The following SNX22 variants were observed in gnomAD, a reference collection of about 807,000 sequenced individuals.
SNX22 encodes sorting nexin 22, also known as sorting nexin-22.
A neutral mutation model predicts 24.7 loss-of-function variants in SNX22; 23 were observed. The observed-to-expected ratio is 0.93, with a 90% CI of 0.67 to 1.32. The LOEUF (loss-of-function observed/expected upper bound fraction) is 1.32. SNX22 is among the 40% of genes most tolerant of loss of function. The probability of loss-of-function intolerance (pLI) is 0.00; values close to 1 mark genes in which losing one functional copy is unlikely to be tolerated. For missense variants in SNX22, 261 were observed against 249.9 expected, an observed-to-expected ratio of 1.04 and a Z score of -0.30; for synonymous variants, 99 against 104.0, an observed-to-expected ratio of 0.95 and a Z score of 0.29.
chr15:64,152,902 C>G, intron 3 of SNX22, 160 bp downstream of exon 3: 1 of 645,504 alleles, frequency 1.5e-6, no homozygotes, highest in Non-Finnish European at 2.7e-6. Flanking sequence ...GTCCAAACAC[C>G]CCCCTCTGGC....
rs2081488136 is a variant in SNX22 at position 64,151,837 on chromosome 15, A to G, written c.62A>G (p.Glu21Gly). Residue 21 changes from glutamate to glycine, a missense_variant, in exon 1 of 7, where the codon GAG becomes GGG. Physicochemically the swap from Glu to Gly is moderately conservative, Grantham distance 98. Coordinates refer to ENST00000325881, the MANE Select transcript of SNX22 (RefSeq NM_024798.3). The part of the protein sequence containing the change: ...PEAEGPRQSP[E>G]KSHMVFRVEV... The stretch of plus-strand genomic sequence containing the variant: ...GCCGAGGGGCCCAGGCAGAGCCCGG[A>G]GAAAAGCCACATGGTGAGCGCGGCC... 1 of 1,537,832 alleles carries G rather than the reference A, an allele frequency of 6.5e-7. No individual in the cohort carries two copies. Among genetic ancestry groups the G allele is most frequent in the Non-Finnish European group, 8.7e-7 (1 of 1,144,080 alleles).
Position 64,157,065 on chromosome 15 carries a change from G to A in SNX22, c.*2557G>A, listed in dbSNP as rs893325558. 3 of 798,980 alleles carry A rather than the reference G, an allele frequency of 3.8e-6. No individual in the cohort carries two copies. Among genetic ancestry groups the A allele is most frequent in the East Asian group, 2.7e-5 (1 of 37,306 alleles). 49.5% of individuals were successfully genotyped at this position (798,980 alleles called of 1,614,324 possible). A position where few individuals can be genotyped will look rare whatever the true frequency, so the allele number is the denominator to read the frequency against. ...AAAGCAGCGTCCTTCCTATCTTCTG[G>A]CCTCAGAGCCAAGCCATGCTGACTG... On this transcript the variant is annotated 3_prime_UTR_variant, in exon 7 of 7. Transcript: ENST00000325881. The surrounding 1 kb of genome is among the most constrained non-coding windows in gnomAD (Gnocchi z 4.2).
In SNX22 at chr15:64,154,474, C is replaced by T. The variant is rs1395423197; in HGVS notation, c.548C>T (p.Ala183Val). Residue 183 changes from alanine (A) to valine (V), a missense_variant, in exon 7 of 7, where the codon GCC becomes GTC. Transcript: ENST00000325881. ...ISPDKAQPKA[A>V]CHPAPLPPMP is the part of the protein sequence containing the mutation. ...CCAGATAAAGCCCAGCCAAAGGCGG[C>T]CTGTCACCCTGCTCCTCTGCCACCG... The T allele has an allele frequency of 1.2e-6, 2 of 1,614,072 alleles. No homozygotes were observed. The highest frequency in any genetic ancestry group is 1.7e-6 in the Non-Finnish European group (2 of 1,180,046).
At chr15:64,152,372 C>A in intron 2 of SNX22, 46 bp downstream of exon 2, 1 of 1,483,384 alleles carries the variant, frequency 6.7e-7, no homozygotes, top group South Asian at 1.3e-5. Flanking sequence ...AGCCTCTGTC[C>A]AGCCCCCGCC....
At position 64,154,091 on chromosome 15, in the gene SNX22, C is replaced by T. The variant is rs139755188; in HGVS notation, c.460+89C>T. ...TGGGACCCTCAGACAGCATCTCCTT[C>T]CTGCTGCCCACCTCTGGAGCCACTA... On this transcript the variant is annotated intron_variant, in intron 6 of 6. Coordinates refer to ENST00000325881, the MANE Select transcript of SNX22 (RefSeq NM_024798.3). 6,646 of 1,612,720 alleles carry T rather than the reference C, an allele frequency of 4.1e-3. 48 individuals carry two copies. The highest frequency in any genetic ancestry group is 0.013 in the South Asian group (1,186 of 90,748).
intron 2 of SNX22, 61 bp downstream of exon 2, chr15:64,152,387 C>T: frequency 6.9e-7 from 1 of 1,448,692 alleles, no homozygotes; most frequent in Non-Finnish European, 9.1e-7. Flanking sequence ...CCCGCCCAGG[C>T]CCTGTGAGGC....
Position 64,156,620 on chromosome 15 carries a change from G to T in SNX22, c.*2112G>T. ...GAGCACTGGGCTGCATCTGTGGGTT[G>T]GGTCCTTTTGGGAAAGGGATGGACA... is the stretch of plus-strand genomic sequence containing the variant. On this transcript the variant is annotated 3_prime_UTR_variant, in exon 7 of 7. Transcript: ENST00000325881. This position sits in a 1 kb window ranked among gnomAD's most constrained non-coding sequence, Gnocchi z 6.4. 1 of 1,348,026 alleles carries T rather than the reference G, an allele frequency of 7.4e-7. No homozygotes were observed. The highest frequency in any genetic ancestry group is 1.2e-5 in the South Asian group (1 of 85,148). 83.5% of individuals were successfully genotyped at this position (1,348,026 alleles called of 1,614,324 possible).
rs2081486945 is a variant in SNX22, at chr15:64,151,760, T to C, written c.-16T>C. The C allele has an allele frequency of 1.3e-6, 2 of 1,481,562 alleles. No homozygotes were observed. Among genetic ancestry groups the C allele is most frequent in the Admixed American group, 2.1e-5 (1 of 48,252 alleles). The allele number at this position is 1,481,562 out of a possible 1,614,324, so 91.8% of individuals were successfully genotyped here. ...CTCCGAGCCGAGCGCGCGGAGCAGC[T>C]GGGGCCGGGGCGCGGATGCTGGAAG... On this transcript the variant is annotated 5_prime_UTR_variant, in exon 1 of 7. Coordinates refer to ENST00000325881, the MANE Select transcript of SNX22 (RefSeq NM_024798.3).
chr15:64,156,022 C>A lies in SNX22; in HGVS notation c.*1514C>A. On this transcript the variant is annotated 3_prime_UTR_variant, in exon 7 of 7. Transcript: ENST00000325881. The surrounding 1 kb of genome is among the most constrained non-coding windows in gnomAD (Gnocchi z 6.4). Reference sequence around the variant, plus strand: ...CACTCAAAGAAAGATGTCCCTGTGCCCTACTCCTTGGCGATGGCAAAGGGC... The same window carrying A: ...CACTCAAAGAAAGATGTCCCTGTGCACTACTCCTTGGCGATGGCAAAGGGC... The A allele has an allele frequency of 6.2e-7, 1 of 1,614,106 alleles. No homozygotes were observed. Among genetic ancestry groups the A allele is most frequent in the Non-Finnish European group, 8.5e-7 (1 of 1,180,014 alleles).
chr15:64,152,171 G>T (rs2081490943), intron 1 of SNX22, 72 bp from the exon 2 acceptor site: 1 of 1,303,472 alleles, frequency 7.7e-7, no homozygotes, highest in African/African-American at 1.6e-5. Context: ...TGGGCACGTC[G>T]CCAGGCGCAG....
chr15:64,154,615 C>T lies in SNX22; in HGVS notation c.*107C>T. Reference sequence around the variant, plus strand: ...TTGGCCTGGACCCAGGACTTAATTACCCAGTGCCCAGTTGTGCCACATTCC... The same window carrying T: ...TTGGCCTGGACCCAGGACTTAATTATCCAGTGCCCAGTTGTGCCACATTCC... On this transcript the variant is annotated 3_prime_UTR_variant, in exon 7 of 7. Transcript: ENST00000325881. 7.1e-7 allele frequency: 1 copy of T among 1,398,744 alleles called. No homozygotes were observed. The highest frequency in any genetic ancestry group is 9.7e-7 in the Non-Finnish European group (1 of 1,027,162). 86.6% of individuals were successfully genotyped at this position (1,398,744 alleles called of 1,614,324 possible).
intron 3 of SNX22, 94 bp downstream of exon 3, chr15:64,152,836 A>G: frequency 9.2e-7 from 1 of 1,084,600 alleles, no homozygotes. Flanking sequence ...GAGGGAACCC[A>G]CAACTTGGGG....
intron 3 of SNX22, 47 bp from the exon 4 acceptor site, chr15:64,153,198 C>A: frequency 6.2e-7 from 1 of 1,610,548 alleles, no homozygotes; most frequent in African/African-American, 1.3e-5. Context: ...CTGCGCTATG[C>A]AAATTAGTAG....
At chr15:64,153,076 CT>C in intron 3 of SNX22, 168 bp from the exon 4 acceptor site, 1 of 773,440 alleles carries the variant, frequency 1.3e-6, no homozygotes, top group Non-Finnish European at 2.1e-6. Flanking sequence ...GGGGTACAAC[CT>C]GTGCACACAG....
chr15:64,152,904 C>A (rs137978313), intron 3 of SNX22, 162 bp downstream of exon 3: 17 of 643,540 alleles, frequency 2.6e-5, no homozygotes, highest in Middle Eastern at 3.9e-4. Context: ...CCAAACACCC[C>A]CCTCTGGCTT....
chr15:64,154,194 C>T (rs1481393289), intron 6 of SNX22, 192 bp downstream of exon 6: 1 of 1,573,314 alleles, frequency 6.4e-7, no homozygotes, highest in Admixed American at 1.9e-5. Context: ...TCCATTTCTT[C>T]AGCAGCCTGA....
intron 3 of SNX22, 131 bp from the exon 4 acceptor site, chr15:64,153,114 C>T (rs1242796933): frequency 8.7e-7 from 1 of 1,148,504 alleles, no homozygotes; most frequent in Non-Finnish European, 1.2e-6. Context: ...GGGCCCTGAG[C>T]CTGGTTCAAC....
chr15:64,153,684 G>T lies in SNX22; in HGVS notation c.392G>T (p.Ser131Ile), dbSNP rs769911014. The T allele has an allele frequency of 6.2e-7, 1 of 1,614,104 alleles. No individual in the cohort carries two copies. The change falls in exon 5 of 7, where the codon AGC (serine) becomes ATC (isoleucine). Residue 131 changes from serine to isoleucine, a missense_variant and splice_region_variant. Ser to Ile is a moderately radical substitution (Grantham distance 142). Transcript: ENST00000325881. ...AGGGAGTTCCTGCCTGGCGACAGCA[G>T]GCAAGTCAAAGCCCTAGCCCGCGCT... ...TLREFLPGDS[S>I]SQQHQRPVLS...
chr15:64,153,168 G>GC, intron 3 of SNX22, 77 bp from the exon 4 acceptor site: 1 of 1,545,026 alleles, frequency 6.5e-7, no homozygotes, highest in Non-Finnish European at 8.9e-7. Context: ...GGAACAAAGA[G>GC]CCCTGCATTT....
Sources: gnomAD v4.1 joint callset for allele counts on GRCh38, gnomAD v4.1.1 for gene constraint, Gnocchi (gnomAD v3.1) non-coding constraint, MANE v1.5 for transcripts, NCBI Gene and HGNC (gene_info 2026-07-23, HGNC 2026-07-21) for gene names.